Variants in SLC25A17 observed in about 807,000 individuals in gnomAD.
SLC25A17 encodes solute carrier family 25 member 17.
In SLC25A17, 26 loss-of-function variants were observed where a neutral mutation model predicts 38.5. The observed-to-expected ratio is 0.68, with a 90% CI of 0.50 to 0.94. SLC25A17 has a LOEUF of 0.94. Among genes scored for constraint, SLC25A17 ranks in the 40% least tolerant of loss-of-function variants. SLC25A17 has a pLI of 0.00. For synonymous variants in SLC25A17, 139 were observed against 136.2 expected, an observed-to-expected ratio of 1.02 and a Z score of -0.14; for missense variants, 333 against 372.7, an observed-to-expected ratio of 0.89 and a Z score of 0.88.
chr22:40,816,153 C>T (rs1390459787), intron 1 of SLC25A17, among the ~76,000 whole-genome samples: 1 of 149,818 alleles, frequency 6.7e-6, no homozygotes, highest in East Asian at 1.9e-4. Context: ...TGCATCACTG[C>T]ACTCCATGCA....
intron 4 of SLC25A17, among the ~76,000 whole-genome samples, chr22:40,787,065 CA>C (rs567149471): frequency 2.0e-4 from 30 of 152,228 alleles, no homozygotes; most frequent in Admixed American, 3.3e-4. Flanking sequence ...AACACTAAGA[CA>C]GAGGTAGATG....
intron 3 of SLC25A17, 80 bp from the exon 4 acceptor site, chr22:40,792,756 C>T: frequency 7.0e-7 from 1 of 1,421,260 alleles, no homozygotes; most frequent in Non-Finnish European, 9.8e-7. Flanking sequence ...AAAGGCTGAC[C>T]ATCATTCACA....
chr22:40,793,891 G>A (rs149352200), intron 3 of SLC25A17, among the ~76,000 whole-genome samples: 1 of 152,212 alleles, frequency 6.6e-6, no homozygotes, highest in African/African-American at 2.4e-5. Flanking sequence ...GATTACAGGC[G>A]GACTGTATTG....
chr22:40,779,324 CA>C, intron 4 of SLC25A17, 199 bp from the exon 5 acceptor site: 5 of 1,409,480 alleles, frequency 3.5e-6, no homozygotes, highest in East Asian at 2.5e-5. Flanking sequence ...TTGCTGATAG[CA>C]AAATGGCTGG....
At position 40,777,379 on chromosome 22, in the gene SLC25A17, CA is replaced by C; in HGVS notation, c.452-7del. ...AATGATCTGATGAAAAGCATCTAAG[CA>C]AGAAATCAGGGACTTTTGAAAAGCA... On this transcript the variant is annotated splice_region_variant and splice_polypyrimidine_tract_variant and intron_variant, in intron 5 of 8. Coordinates refer to ENST00000435456, the MANE Select transcript of SLC25A17 (RefSeq NM_006358.4). 1.2e-6 allele frequency: 2 copies of C among 1,607,030 alleles called. No individual in the cohort carries two copies.
intron 4 of SLC25A17, chr22:40,788,720 A>C: frequency 4.3e-6 from 1 of 230,880 alleles, no homozygotes; most frequent in South Asian, 7.3e-5. Context: ...AAATAAAAAC[A>C]AAACAAAACA....
chr22:40,801,785 C>A (rs2057486695), intron 1 of SLC25A17, among the ~76,000 whole-genome samples: 1 of 152,060 alleles, frequency 6.6e-6, no homozygotes, highest in Non-Finnish European at 1.5e-5. Context: ...CATGGTACTG[C>A]ATTTCTTTTC....
Position 40,816,137 on chromosome 22 carries a change from C to T in SLC25A17, c.54+3058G>A, listed in dbSNP as rs113631468. On this transcript the variant is annotated intron_variant, in intron 1 of 8. Coordinates refer to ENST00000435456, the MANE Select transcript of SLC25A17 (RefSeq NM_006358.4). ...CCAGGAGGCGGAGGTTGTGGTGGGC[C>T]GAGATTGCATCACTGCACTCCATGC... is the stretch of plus-strand genomic sequence containing the variant. 5.3e-3 allele frequency among the ~76,000 whole-genome samples: 791 copies of T among 149,190 alleles called. 8 individuals carry two copies. The highest frequency in any genetic ancestry group is 0.017 in the African/African-American group (699 of 40,336).
At chr22:40,781,616 G>A (rs1293503423) in intron 4 of SLC25A17, among the ~76,000 whole-genome samples, 1 of 152,130 alleles carries the variant, frequency 6.6e-6, no homozygotes, top group East Asian at 1.9e-4. Flanking sequence ...AGATTATAAA[G>A]TCCTTGTAAG....
intron 7 of SLC25A17, among the ~76,000 whole-genome samples, chr22:40,775,482 A>G: frequency 9.9e-6 from 1 of 101,326 alleles, no homozygotes; most frequent in Admixed American, 1.6e-4. Context: ...TTTGAGACGG[A>G]GTCTCGCTCT....
Position 40,775,052 on chromosome 22 carries a change from C to T in SLC25A17, c.694-1033G>A, listed in dbSNP as rs186421056. Among the ~76,000 whole-genome samples the T allele has an allele frequency of 2.6e-3, 396 of 152,212 alleles. 1 individual carries two copies. Among genetic ancestry groups the T allele is most frequent in the Non-Finnish European group, 4.8e-3 (325 of 68,024 alleles). ...TGGCTTTCTCTCTTAGCTTTCTGAC[C>T]AATTCACCACATAATAGCCACAACA... On this transcript the variant is annotated intron_variant, in intron 7 of 8. Coordinates refer to ENST00000435456, the MANE Select transcript of SLC25A17 (RefSeq NM_006358.4).
intron 1 of SLC25A17, among the ~76,000 whole-genome samples, chr22:40,816,029 A>G (rs996218229): frequency 2.0e-5 from 3 of 152,138 alleles, no homozygotes; most frequent in African/African-American, 4.8e-5. Flanking sequence ...TCTACTGAAA[A>G]TACAAAATTA....
At chr22:40,773,410 CAAAAAAAAAAAA>C (rs59479764) in intron 8 of SLC25A17, among the ~76,000 whole-genome samples, 2 of 74,338 alleles carry the variant, frequency 2.7e-5, no homozygotes, top group Non-Finnish European at 5.0e-5. Flanking sequence ...ACTCTGTCTC[CAAAAAAAAAAAA>C]AAAAAAAAAA....
At chr22:40,799,363 CTTT>C (rs566690843) in intron 1 of SLC25A17, among the ~76,000 whole-genome samples, 2 of 135,134 alleles carry the variant, frequency 1.5e-5, no homozygotes, top group Non-Finnish European at 3.2e-5. Context: ...GGAGTCACAA[CTTT>C]TTTTTTTTTT....
intron 3 of SLC25A17, among the ~76,000 whole-genome samples, chr22:40,793,053 CAA>C (rs554746759): frequency 2.9e-5 from 4 of 138,938 alleles, no homozygotes; most frequent in Admixed American, 7.2e-5. Flanking sequence ...AAATAAGTAT[CAA>C]AAAAAAAAAA....
chr22:40,799,101 G>A lies in SLC25A17; in HGVS notation c.55-18C>T. On this transcript the variant is annotated intron_variant, in intron 1 of 8. Transcript: ENST00000435456. Reference sequence around the variant, plus strand: ...ACGCTTCCCTGAAAAGTTTGAAAAAGGCCATTACAGCATCACAAACATAGT... The same window carrying A: ...ACGCTTCCCTGAAAAGTTTGAAAAAAGCCATTACAGCATCACAAACATAGT... 1.2e-6 allele frequency: 2 copies of A among 1,604,318 alleles called. No homozygotes were observed. The highest frequency in any genetic ancestry group is 1.7e-6 in the Non-Finnish European group (2 of 1,172,296).
At chr22:40,806,011 C>T (rs2057526743) in intron 1 of SLC25A17, among the ~76,000 whole-genome samples, 1 of 152,194 alleles carries the variant, frequency 6.6e-6, no homozygotes, top group African/African-American at 2.4e-5. Flanking sequence ...GTACCAGTCC[C>T]AGCTAGTAAC....
chr22:40,819,323 C>G lies in SLC25A17; in HGVS notation c.-75G>C. ...GCCAGTGGAGTTAGGAAAGGAGCAC[C>G]GGAGCTCAGGGTGTGAGAGTCGCAA... On this transcript the variant is annotated 5_prime_UTR_variant, in exon 1 of 9. Coordinates refer to ENST00000435456, the MANE Select transcript of SLC25A17 (RefSeq NM_006358.4). The G allele has an allele frequency of 6.8e-7, 1 of 1,468,068 alleles. No homozygotes were observed. Among genetic ancestry groups the G allele is most frequent in the Non-Finnish European group, 9.3e-7 (1 of 1,078,976 alleles). 90.9% of individuals were successfully genotyped at this position (1,468,068 alleles called of 1,614,324 possible).
At chr22:40,811,556 A>G (rs1051803528) in intron 1 of SLC25A17, among the ~76,000 whole-genome samples, 6 of 151,918 alleles carry the variant, frequency 3.9e-5, no homozygotes, top group African/African-American at 1.5e-4. Context: ...CAGACTCCTG[A>G]GTAGCTGAGA....
Sources: gnomAD v4.1 joint callset for allele counts (sites outside exome capture counted in the v4.1 genomes callset) on GRCh38, gnomAD v4.1.1 for gene constraint, MANE v1.5 for transcripts, NCBI Gene and HGNC (gene_info 2026-07-23, HGNC 2026-07-21) for gene names.